Variants in ZSWIM6 observed in about 807,000 individuals in gnomAD.
ZSWIM6 encodes the protein zinc finger SWIM-type containing 6.
Under a neutral mutation model 113.2 loss-of-function variants are expected in ZSWIM6, and 9 were observed. The observed-to-expected ratio is 0.08, with a 90% CI of 0.05 to 0.14. The LOEUF (loss-of-function observed/expected upper bound fraction) is 0.14. Among genes scored for constraint, ZSWIM6 ranks in the 10% least tolerant of loss-of-function variants. ZSWIM6 has a pLI of 1.00. For synonymous variants in ZSWIM6, 611 were observed against 606.5 expected (o/e 1.01, Z -0.11); for missense variants, 1,162 against 1,552.2 (o/e 0.75, Z 4.22).
At chr5:61,354,760 T>G (rs142207241) in intron 1 of ZSWIM6, among the ~76,000 whole-genome samples, 1 of 152,170 alleles carries the variant, frequency 6.6e-6, no homozygotes. Flanking sequence ...ATACCCTGGA[T>G]TTTGAATATT....
Position 61,535,943 on chromosome 5 carries a change from G to GA in ZSWIM6, c.2381+330dup, listed in dbSNP as rs527592655. Reference sequence around the variant, plus strand: ...ACCTTCATAAATGATTAATTGTTTTGAAAAAATTGATTTTTGAAGCAGTAG... The same window carrying GA: ...ACCTTCATAAATGATTAATTGTTTTGAAAAAAATTGATTTTTGAAGCAGTAG... On this transcript the variant is annotated intron_variant, in intron 10 of 13. Coordinates refer to ENST00000252744, the MANE Select transcript of ZSWIM6 (RefSeq NM_020928.2). Among the ~76,000 whole-genome samples the GA allele has an allele frequency of 2.1e-3, 316 of 152,276 alleles. 2 individuals carry two copies. Among genetic ancestry groups the GA allele is most frequent in the Admixed American group, 8.3e-3 (127 of 15,296 alleles).
chr5:61,529,952 C>T (rs1301806966), intron 7 of ZSWIM6, 100 bp from the exon 8 acceptor site: 1 of 1,061,490 alleles, frequency 9.4e-7, no homozygotes, highest in Non-Finnish European at 1.3e-6. Context: ...ACTGGTTTAT[C>T]AGGATGCTGC....
intron 2 of ZSWIM6, 78 bp from the exon 3 acceptor site, chr5:61,490,708 A>G: frequency 7.1e-7 from 1 of 1,400,372 alleles, no homozygotes; most frequent in Non-Finnish European, 9.5e-7. Flanking sequence ...AAAAGTAGGC[A>G]AAAAGAGTCT....
At position 61,377,398 on chromosome 5, in the gene ZSWIM6, T is replaced by TA. The variant is rs200361952; in HGVS notation, c.676+44458dup. 2.2e-4 allele frequency among the ~76,000 whole-genome samples: 33 copies of TA among 147,994 alleles called. No individual in the cohort carries two copies. The East Asian group carries it at 3.5e-3, about 16-fold the overall frequency. On this transcript the variant is annotated intron_variant, in intron 1 of 13. Coordinates refer to ENST00000252744, the MANE Select transcript of ZSWIM6 (RefSeq NM_020928.2). ...TTCTTGACATAAAACCCTGAAACAA[T>TA]AAAAAAAACAAGATTCATAAGTTAG...
chr5:61,537,500 T>C (rs1379740998), intron 10 of ZSWIM6, among the ~76,000 whole-genome samples: 1 of 152,092 alleles, frequency 6.6e-6, no homozygotes, highest in Admixed American at 6.5e-5. Flanking sequence ...GGATGTTGAT[T>C]AGTTTCTTCT....
rs1404521415 is a variant in ZSWIM6, at chr5:61,332,698, T to G, written c.426T>G (p.Gly142=). 1.0e-6 allele frequency: 1 copy of G among 967,256 alleles called. No homozygotes were observed. The highest frequency in any genetic ancestry group is 1.2e-6 in the Non-Finnish European group (1 of 819,400). 59.9% of individuals were successfully genotyped at this position (967,256 alleles called of 1,614,324 possible). ...CGGGCGGCCCCGGCGACGACAGCGGTGGCGGCGGCGGCGCGGGCGGCGGCG... is the reference window on the plus strand; with the variant it reads ...CGGGCGGCCCCGGCGACGACAGCGGGGGCGGCGGCGGCGCGGGCGGCGGCG... The part of the protein sequence containing the change: ...GAAGGPGDDS[G]GGGGAGGGGG... The change falls in exon 1 of 14, where the codon GGT becomes GGG. Residue 142 remains glycine (G), a synonymous_variant. Transcript: ENST00000252744.
At chr5:61,432,758 A>G (rs961705121) in intron 1 of ZSWIM6, among the ~76,000 whole-genome samples, 2 of 152,226 alleles carry the variant, frequency 1.3e-5, no homozygotes, top group African/African-American at 4.8e-5. Context: ...TGGTTATGAT[A>G]TAAGGAAGTA....
At position 61,541,011 on chromosome 5, in the gene ZSWIM6, T is replaced by TGGGTTG. The variant is rs1245934643; in HGVS notation, c.2704-873_2704-872insGGGTTG. Among the ~76,000 whole-genome samples, 202 of 147,410 alleles carry TGGGTTG rather than the reference T, an allele frequency of 1.4e-3. 1 individual carries two copies. The highest frequency in any genetic ancestry group is 4.8e-3 in the African/African-American group (191 of 39,912). Reference sequence around the variant, plus strand: ...CAGGCTGGAGTGCAGGGGTACAATCTCAGCTCACTGCAACCTCTGCCTCCT... The same window carrying TGGGTTG: ...CAGGCTGGAGTGCAGGGGTACAATCTGGGTTGCAGCTCACTGCAACCTCTGCCTCCT... On this transcript the variant is annotated intron_variant, in intron 12 of 13. Coordinates refer to ENST00000252744, the MANE Select transcript of ZSWIM6 (RefSeq NM_020928.2).
chr5:61,526,044 G>C (rs1306398710), intron 6 of ZSWIM6, 68 bp downstream of exon 6: 5 of 1,517,470 alleles, frequency 3.3e-6, no homozygotes, highest in Non-Finnish European at 4.5e-6. Context: ...AGCATTACTG[G>C]AATGGGAGGT....
At position 61,544,944 on chromosome 5, in the gene ZSWIM6, T is replaced by C. The variant is rs1749846920; in HGVS notation, c.*627T>C. 6.6e-6 allele frequency: 1 copy of C among 152,126 alleles called. No individual in the cohort carries two copies. The highest frequency in any genetic ancestry group is 2.4e-5 in the African/African-American group (1 of 41,420). The allele number at this position is 152,126 out of a possible 1,614,324, so 9.4% of individuals were successfully genotyped here. On this transcript the variant is annotated 3_prime_UTR_variant, in exon 14 of 14. Coordinates refer to ENST00000252744, the MANE Select transcript of ZSWIM6 (RefSeq NM_020928.2). ...TTATCCAAAAAAATTAAAAAAAGAA[T>C]GAGAGCATTTATTGTACTGTATATA...
chr5:61,492,235 T>C (rs1356330498), intron 3 of ZSWIM6, among the ~76,000 whole-genome samples: 1 of 152,102 alleles, frequency 6.6e-6, no homozygotes, highest in East Asian at 1.9e-4. Context: ...ACTAATAATG[T>C]AAAAGGTTTA....
At chr5:61,381,294 TGTG>T (rs1245876422) in intron 1 of ZSWIM6, among the ~76,000 whole-genome samples, 1 of 152,110 alleles carries the variant, frequency 6.6e-6, no homozygotes, top group Non-Finnish European at 1.5e-5. Flanking sequence ...ATTAGCCAGG[TGTG>T]GTGGTGAGCG....
At chr5:61,515,415 G>A (rs1484761277) in intron 4 of ZSWIM6, among the ~76,000 whole-genome samples, 2 of 152,108 alleles carry the variant, frequency 1.3e-5, no homozygotes, top group Non-Finnish European at 2.9e-5. Flanking sequence ...GATTACAGGC[G>A]TGAGCCACTG....
In ZSWIM6 at chr5:61,541,907, C is replaced by A. The variant is rs1187955347; in HGVS notation, c.2727C>A (p.Thr909=). The change falls in exon 13 of 14, where the codon ACC becomes ACA. Residue 909 remains threonine, a synonymous_variant. Coordinates refer to ENST00000252744, the MANE Select transcript of ZSWIM6 (RefSeq NM_020928.2). ...GLQVMRMTLS[T]LNWRRREMVR... is the part of the protein sequence containing the mutation. The stretch of plus-strand genomic sequence containing the variant: ...AGGTTATGCGAATGACACTGTCAAC[C>A]TTAAATTGGCGACGGCGGGAGATGG... 2 of 1,551,242 alleles carry A rather than the reference C, an allele frequency of 1.3e-6. No homozygotes were observed. Among genetic ancestry groups the A allele is most frequent in the Non-Finnish European group, 8.7e-7 (1 of 1,146,426 alleles).
At chr5:61,387,643 A>G (rs989321900) in intron 1 of ZSWIM6, among the ~76,000 whole-genome samples, 1 of 152,162 alleles carries the variant, frequency 6.6e-6, no homozygotes, top group African/African-American at 2.4e-5. Flanking sequence ...ACAGTGGCTC[A>G]TGCTTGTAAT....
intron 1 of ZSWIM6, 143 bp downstream of exon 1, chr5:61,333,091 C>A: frequency 1.1e-6 from 1 of 939,160 alleles, no homozygotes; most frequent in Non-Finnish European, 1.3e-6. Flanking sequence ...CCGGACGGTC[C>A]TCCTGAGCGG....
chr5:61,522,214 C>CT lies in ZSWIM6; in HGVS notation c.1513+773dup, dbSNP rs1292422722. ...TTGGCCCCATTTTCCCTTCTACCTG[C>CT]TGCAGAATGTTCTCTTCCCTTTCAA... On this transcript the variant is annotated intron_variant, in intron 5 of 13. Coordinates refer to ENST00000252744, the MANE Select transcript of ZSWIM6 (RefSeq NM_020928.2). Among the ~76,000 whole-genome samples the CT allele has an allele frequency of 2.6e-5, 4 of 151,978 alleles. No individual in the cohort carries two copies. The East Asian group carries it at 7.7e-4, about 29-fold the overall frequency.
intron 1 of ZSWIM6, among the ~76,000 whole-genome samples, chr5:61,344,300 C>A (rs1226004267): frequency 6.6e-6 from 1 of 152,140 alleles, no homozygotes; most frequent in Non-Finnish European, 1.5e-5. Flanking sequence ...AGTGAACTAG[C>A]CAGTCTTTTC....
intron 1 of ZSWIM6, among the ~76,000 whole-genome samples, chr5:61,404,949 C>T (rs927167006): frequency 6.6e-6 from 1 of 152,170 alleles, no homozygotes; most frequent in African/African-American, 2.4e-5. Flanking sequence ...ATATGTTTCC[C>T]ACCCTAACCT....
Sources: allele counts gnomAD v4.1 joint callset (sites outside exome capture counted in the v4.1 genomes callset), GRCh38; gene constraint gnomAD v4.1.1; transcripts MANE v1.5; gene names NCBI Gene and HGNC (gene_info 2026-07-23, HGNC 2026-07-21).